The following TCF3 variants were observed in gnomAD, a reference collection of about 807,000 sequenced individuals.
The protein encoded by TCF3 is transcription factor E2-alpha.
TCF3 carries 54 observed loss-of-function variants against 72.3 expected under a neutral mutation model. The ratio of observed to expected loss-of-function variants is 0.75; its 90% CI spans 0.60 to 0.94. The LOEUF (loss-of-function observed/expected upper bound fraction) is 0.94, where lower values mean the gene tolerates loss of function less well. Ranked by LOEUF, TCF3 falls within the 40% of genes least tolerant of loss-of-function variation. TCF3 has a pLI of 0.00. For synonymous variants in TCF3, 525 were observed against 412.6 expected, an observed-to-expected ratio of 1.27 and a Z score of -3.30; for missense variants, 1,078 against 934.4, an observed-to-expected ratio of 1.15 and a Z score of -2.00.
intron 2 of TCF3, among the ~76,000 whole-genome samples, chr19:1,648,397 T>C (rs1215725982): frequency 6.6e-6 from 1 of 152,124 alleles, no homozygotes; most frequent in Non-Finnish European, 1.5e-5. Context: ...GCTCCCAGCC[T>C]GTTTCCTCAT....
At chr19:1,651,482 G>A (rs2067042551) in intron 1 of TCF3, 1 of 224,276 alleles carries the variant, frequency 4.5e-6, no homozygotes, top group Non-Finnish European at 8.9e-6. Context: ...GCACTTTTTT[G>A]TGGGGTAGCT....
chr19:1,644,720 G>A (rs532440800), intron 3 of TCF3, among the ~76,000 whole-genome samples: 1 of 152,156 alleles, frequency 6.6e-6, no homozygotes, highest in Non-Finnish European at 1.5e-5. Context: ...CCACAGCTCT[G>A]GTTACCCAGG....
intron 18 of TCF3, chr19:1,612,276 C>A (rs762625703): frequency 1.2e-6 from 2 of 1,613,272 alleles, no homozygotes; most frequent in African/African-American, 1.3e-5. Flanking sequence ...TTGGTCTGCG[C>A]TTTGTCCGAC....
chr19:1,641,474 A>G (rs955260535), intron 3 of TCF3, among the ~76,000 whole-genome samples: 2 of 152,094 alleles, frequency 1.3e-5, no homozygotes, highest in Non-Finnish European at 2.9e-5. Flanking sequence ...TATTCTTCAG[A>G]CACGGTCTCC....
chr19:1,621,944 C>T lies in TCF3; in HGVS notation c.849G>A (p.Val283=). ...RMGYQLHGAE[V]NGGLPSASSF... is the part of the protein sequence containing the mutation. ...AGGATGCAGATGGGAGCCCACCGTT[C>T]ACCTCTGCTCCATGCAGCTGGTAGC... Residue 283 remains valine, a synonymous_variant, in exon 11 of 19, where the codon GTG becomes GTA. Coordinates refer to ENST00000262965, the MANE Select transcript of TCF3 (RefSeq NM_003200.5). The T allele has an allele frequency of 6.2e-7, 1 of 1,604,956 alleles. No individual in the cohort carries two copies. The highest frequency in any genetic ancestry group is 8.5e-7 in the Non-Finnish European group (1 of 1,176,136).
rs1172883575 is a variant in TCF3 at position 1,611,088 on chromosome 19, A to G, written c.*619T>C. Reference sequence around the variant, plus strand: ...CAAAAAAATTTGTTGCTTACAAAACATATGCAAAAAAAGCTTAAAAAAACC... The same window carrying G: ...CAAAAAAATTTGTTGCTTACAAAACGTATGCAAAAAAAGCTTAAAAAAACC... On this transcript the variant is annotated 3_prime_UTR_variant, in exon 19 of 19. Transcript: ENST00000262965. 2 of 232,076 alleles carry G rather than the reference A, an allele frequency of 8.6e-6. No homozygotes were observed. The highest frequency in any genetic ancestry group is 1.8e-4 in the South Asian group (1 of 5,516). The allele number at this position is 232,076 out of a possible 1,614,324, so 14.4% of individuals were successfully genotyped here.
intron 3 of TCF3, among the ~76,000 whole-genome samples, chr19:1,638,556 G>A (rs2064792968): frequency 6.6e-6 from 1 of 152,130 alleles, no homozygotes; most frequent in Non-Finnish European, 1.5e-5. Flanking sequence ...TTTAAAAGTA[G>A]CAATTTATTG....
chr19:1,640,330 C>T (rs1342355709), intron 3 of TCF3, among the ~76,000 whole-genome samples: 2 of 147,696 alleles, frequency 1.4e-5, no homozygotes. Flanking sequence ...GGTCAGGAGA[C>T]CGAGACTGTC....
rs543300335 is a variant in TCF3, at chr19:1,611,113, C to T, written c.*594G>A. 33 of 232,914 alleles carry T rather than the reference C, an allele frequency of 1.4e-4. No homozygotes were observed. The South Asian group carries it at 2.7e-3, about 19-fold the overall frequency. The allele number at this position is 232,914 out of a possible 1,614,324, so 14.4% of individuals were successfully genotyped here. ...ATATGCAAAAAAAGCTTAAAAAAAC[C>T]AGAGACCAAAGGCAGCATCCTTGCT... On this transcript the variant is annotated 3_prime_UTR_variant, in exon 19 of 19. Transcript: ENST00000262965.
In TCF3 at chr19:1,615,333, G is replaced by C. The variant is rs1436876861; in HGVS notation, c.1774C>G (p.Leu592Val). ...SEKPQTKLLILHQAVSVILNL... is the reference protein window; with the variant it reads ...SEKPQTKLLIVHQAVSVILNL... ...AGGATGACCGAGACAGCCTGGTGCA[G>C]GATGAGCAGTTTGGTCTGGGGCTTC... The change falls in exon 18 of 19, where the codon CTG becomes GTG. Residue 592 changes from leucine (L) to valine (V), a missense_variant. Transcript: ENST00000262965. The surrounding 1 kb of genome is among the most constrained non-coding windows in gnomAD (Gnocchi z 7.3). 1 of 1,611,992 alleles carries C rather than the reference G, an allele frequency of 6.2e-7. No individual in the cohort carries two copies. The highest frequency in any genetic ancestry group is 8.5e-7 in the Non-Finnish European group (1 of 1,178,284).
chr19:1,635,717 G>T (rs944018870), intron 3 of TCF3, among the ~76,000 whole-genome samples: 1 of 152,168 alleles, frequency 6.6e-6, no homozygotes, highest in Admixed American at 6.5e-5. Context: ...TGGAAACGTG[G>T]CCAGCATTTT....
At chr19:1,627,590 G>A (rs1176057767) in intron 5 of TCF3, among the ~76,000 whole-genome samples, 164 bp from the exon 6 acceptor site, 1 of 151,852 alleles carries the variant, frequency 6.6e-6, no homozygotes, top group Non-Finnish European at 1.5e-5. Flanking sequence ...CCCATCTCGG[G>A]GAGCCCTGGC....
chr19:1,630,455 A>C (rs909308557), intron 5 of TCF3, among the ~76,000 whole-genome samples: 4 of 152,166 alleles, frequency 2.6e-5, no homozygotes, highest in African/African-American at 2.4e-5. Context: ...TGGGGCCCAA[A>C]CAGGCGCTGC....
chr19:1,650,194 G>C lies in TCF3; in HGVS notation c.55C>G (p.Leu19Val). 3.8e-6 allele frequency: 6 copies of C among 1,572,350 alleles called. No homozygotes were observed. The highest frequency in any genetic ancestry group is 5.2e-6 in the Non-Finnish European group (6 of 1,160,290). ...TGGCTCACCATGCTGAAGTCCAGGA[G>C]GTCACTGAGCTCCTTGTCTGTGCCC... ...PVGTDKELSDLLDFSMMFPLP... is the reference protein window; with the variant it reads ...PVGTDKELSDVLDFSMMFPLP... Residue 19 changes from leucine to valine, a missense_variant, in exon 2 of 19, where the codon CTC becomes GTC. Leu to Val is a conservative substitution (Grantham distance 32). Coordinates refer to ENST00000262965, the MANE Select transcript of TCF3 (RefSeq NM_003200.5).
chr19:1,644,945 A>G (rs1171215914), intron 3 of TCF3, among the ~76,000 whole-genome samples: 2 of 152,058 alleles, frequency 1.3e-5, no homozygotes, highest in Non-Finnish European at 2.9e-5. Context: ...AAGCATTAGC[A>G]TGTCCGGTTC....
chr19:1,646,256 C>T, intron 3 of TCF3, 99 bp downstream of exon 3: 2 of 1,296,048 alleles, frequency 1.5e-6, no homozygotes, highest in Middle Eastern at 1.9e-4. Context: ...CCCATTGTCT[C>T]CCTCCTTTGC....
Position 1,646,372 on chromosome 19 carries a change from G to A in TCF3, c.128C>T (p.Ala43Val), listed in dbSNP as rs376245305. Residue 43 changes from alanine to valine, a missense_variant, in exon 3 of 19, where the codon GCG becomes GTG. Coordinates refer to ENST00000262965, the MANE Select transcript of TCF3 (RefSeq NM_003200.5). ...GGTCCTACCTGAACCTCCGAACTGCGCCCCGGCCAGGGAGGCGGGCCGGCC... is the reference window on the plus strand; with the variant it reads ...GGTCCTACCTGAACCTCCGAACTGCACCCCGGCCAGGGAGGCGGGCCGGCC... ...GKGRPASLAG[A>V]QFGGSGLEDR... 21 of 1,550,216 alleles carry A rather than the reference G, an allele frequency of 1.4e-5. No homozygotes were observed. In the African/African-American group the frequency reaches 1.5e-4, roughly 11 times the overall value.
Position 1,615,274 on chromosome 19 carries a change from C to T in TCF3, c.1822+11G>A. The T allele has an allele frequency of 6.3e-7, 1 of 1,576,530 alleles. No homozygotes were observed. Among genetic ancestry groups the T allele is most frequent in the Non-Finnish European group, 8.7e-7 (1 of 1,156,052 alleles). ...GCTGCAGGGACGCTGGTGGCCCGCGCCCCCACTGACCTCGCACTTGCTGCT... is the reference window on the plus strand; with the variant it reads ...GCTGCAGGGACGCTGGTGGCCCGCGTCCCCACTGACCTCGCACTTGCTGCT... On this transcript the variant is annotated intron_variant, in intron 18 of 18. Transcript: ENST00000262965. This position sits in a 1 kb window ranked among gnomAD's most constrained non-coding sequence, Gnocchi z 7.3.
At chr19:1,623,371 G>A (rs1462856107) in intron 8 of TCF3, among the ~76,000 whole-genome samples, 3 of 151,162 alleles carry the variant, frequency 2.0e-5, no homozygotes, top group African/African-American at 7.3e-5. Context: ...CCCCAATTGC[G>A]GCACCCCCCG....
Sources: allele counts gnomAD v4.1 joint callset (sites outside exome capture counted in the v4.1 genomes callset), GRCh38; gene constraint gnomAD v4.1.1; non-coding constraint Gnocchi (gnomAD v3.1); transcripts MANE v1.5; gene names NCBI Gene and HGNC (gene_info 2026-07-23, HGNC 2026-07-21).